TBC1D20: variants seen among roughly 807,000 people sequenced by gnomAD.
TBC1D20 encodes the protein chromosome 20 open reading frame 140.
A neutral mutation model predicts 41.6 loss-of-function variants in TBC1D20; 12 were observed. That is an observed-to-expected ratio of 0.29 (90% CI 0.18 to 0.47). The LOEUF (loss-of-function observed/expected upper bound fraction) is 0.47. Among genes scored for constraint, TBC1D20 ranks in the 20% least tolerant of loss-of-function variants. The probability of loss-of-function intolerance (pLI) is 1.00; values close to 1 mark genes in which losing one functional copy is unlikely to be tolerated. For synonymous variants in TBC1D20, 205 were observed against 204.8 expected (o/e 1.00, Z -0.01); for missense variants, 421 against 517.4 (o/e 0.81, Z 1.81).
At chr20:449,153 CTTT>C (rs757303718) in intron 1 of TBC1D20, among the ~76,000 whole-genome samples, 1 of 93,626 alleles carries the variant, frequency 1.1e-5, no homozygotes, top group African/African-American at 4.4e-5. Context: ...CCTATATGTA[CTTT>C]TTTTTTTTTT....
At chr20:458,493 A>G (rs1000273323) in intron 1 of TBC1D20, among the ~76,000 whole-genome samples, 1 of 151,742 alleles carries the variant, frequency 6.6e-6, no homozygotes, top group Admixed American at 6.6e-5. Context: ...TTGCGTATAT[A>G]TATTTTGTAG....
At chr20:459,185 C>A (rs1402876771) in intron 1 of TBC1D20, among the ~76,000 whole-genome samples, 1 of 152,104 alleles carries the variant, frequency 6.6e-6, no homozygotes, top group Non-Finnish European at 1.5e-5. Flanking sequence ...CTGTTTATTT[C>A]CGAAAGAGAA....
intron 1 of TBC1D20, among the ~76,000 whole-genome samples, chr20:457,884 C>T (rs922285513): frequency 2.6e-5 from 4 of 152,130 alleles, no homozygotes; most frequent in Non-Finnish European, 5.9e-5. Context: ...TATATAACAT[C>T]GGTGGAGGCA....
In TBC1D20 at chr20:439,151, A is replaced by G; in HGVS notation, c.913T>C (p.Ser305Pro). ...AGDLFVQFPP[S>P]ELAREAAAQQ... ...GCAGCGGCCTCCCGAGCAAGTTCGG[A>G]TGGGGGAAACTGAACAAAAAGGTCT... The change falls in exon 7 of 8, where the codon TCC becomes CCC. Residue 305 changes from serine to proline, a missense_variant. Physicochemically the swap from Ser to Pro is moderately conservative, Grantham distance 74. Coordinates refer to ENST00000354200, the MANE Select transcript of TBC1D20 (RefSeq NM_144628.4). The surrounding 1 kb of genome is among the most constrained non-coding windows in gnomAD (Gnocchi z 4.6). The G allele has an allele frequency of 6.2e-7, 1 of 1,614,076 alleles. No homozygotes were observed. Among genetic ancestry groups the G allele is most frequent in the African/African-American group, 1.3e-5 (1 of 75,016 alleles).
chr20:453,539 CAT>C (rs1491398739), intron 1 of TBC1D20, among the ~76,000 whole-genome samples: 4 of 109,724 alleles, frequency 3.6e-5, no homozygotes, highest in Admixed American at 1.1e-4. Context: ...TGTAATCCAG[CAT>C]TTTTTTTTTT....
intron 5 of TBC1D20, 152 bp from the exon 6 acceptor site, chr20:440,541 A>G: frequency 1.0e-6 from 1 of 978,398 alleles, no homozygotes; most frequent in African/African-American, 1.6e-5. Flanking sequence ...CTTACAAAAT[A>G]TTTAATACAA....
intron 1 of TBC1D20, among the ~76,000 whole-genome samples, chr20:458,986 C>T (rs989015446): frequency 5.9e-5 from 9 of 152,142 alleles, no homozygotes; most frequent in African/African-American, 1.9e-4. Context: ...AGCACTCCCA[C>T]GTGTGCCACT....
chr20:448,496 C>T (rs867766361), intron 1 of TBC1D20, among the ~76,000 whole-genome samples: 24 of 152,056 alleles, frequency 1.6e-4, no homozygotes, highest in Admixed American at 6.6e-4. Context: ...CGAGACCAGC[C>T]TGGCCAATAT....
chr20:457,011 A>T (rs1373224124), intron 1 of TBC1D20, among the ~76,000 whole-genome samples: 2 of 143,248 alleles, frequency 1.4e-5, no homozygotes, highest in African/African-American at 5.3e-5. Context: ...ATCTCAGCTC[A>T]CCGCAACCTC....
chr20:461,251 T>C (rs760752621), intron 1 of TBC1D20, among the ~76,000 whole-genome samples: 93 of 152,240 alleles, frequency 6.1e-4, no homozygotes, highest in Non-Finnish European at 5.1e-4. Context: ...TTAACTGTCA[T>C]GTATTTATTG....
At chr20:455,835 G>A (rs1282465193) in intron 1 of TBC1D20, among the ~76,000 whole-genome samples, 2 of 152,010 alleles carry the variant, frequency 1.3e-5, no homozygotes, top group African/African-American at 4.8e-5. Context: ...GGGAGGCTGA[G>A]GCAGGAGAAT....
At chr20:451,497 G>T (rs575020574) in intron 1 of TBC1D20, among the ~76,000 whole-genome samples, 64 of 152,238 alleles carry the variant, frequency 4.2e-4, no homozygotes, top group African/African-American at 1.5e-3. Flanking sequence ...ATAGTGAGCC[G>T]AGATAGCGTC....
In TBC1D20 at chr20:437,038, T is replaced by C. The variant is rs536378871; in HGVS notation, c.*1548A>G. 2 of 152,204 alleles carry C rather than the reference T, an allele frequency of 1.3e-5. No homozygotes were observed. Among genetic ancestry groups the C allele is most frequent in the South Asian group, 4.2e-4 (2 of 4,816 alleles). 9.4% of individuals were successfully genotyped at this position (152,204 alleles called of 1,614,324 possible). ...TGAGGCAGCGAGAATTGCCTGAACTTGGGAGGCGGAGGTTGCAGTGAGCTG... is the reference window on the plus strand; with the variant it reads ...TGAGGCAGCGAGAATTGCCTGAACTCGGGAGGCGGAGGTTGCAGTGAGCTG... On this transcript the variant is annotated 3_prime_UTR_variant, in exon 8 of 8. Transcript: ENST00000354200.
intron 3 of TBC1D20, among the ~76,000 whole-genome samples, chr20:444,071 T>C (rs1378808794): frequency 6.6e-6 from 1 of 150,594 alleles, no homozygotes; most frequent in Non-Finnish European, 1.5e-5. Context: ...GCGGAGGTTG[T>C]AGTGAGCTGA....
chr20:450,700 T>C (rs547123930), intron 1 of TBC1D20: 63 of 152,340 alleles, frequency 4.1e-4, no homozygotes, highest in African/African-American at 1.3e-3. Context: ...AACTCATTGA[T>C]TACAATCAGT....
chr20:440,626 C>T (rs1204530531), intron 5 of TBC1D20: 2 of 445,706 alleles, frequency 4.5e-6, no homozygotes, highest in Non-Finnish European at 7.9e-6. Flanking sequence ...TGCTCGCCTA[C>T]TGGCCAACAA....
Position 442,005 on chromosome 20 carries a change from G to A in TBC1D20, c.376C>T (p.Leu126=). 1 of 1,614,002 alleles carries A rather than the reference G, an allele frequency of 6.2e-7. No individual in the cohort carries two copies. Among genetic ancestry groups the A allele is most frequent in the Non-Finnish European group, 8.5e-7 (1 of 1,179,968 alleles). The change falls in exon 4 of 8, where the codon CTG becomes TTG. Residue 126 remains leucine (L), a synonymous_variant. Coordinates refer to ENST00000354200, the MANE Select transcript of TBC1D20 (RefSeq NM_144628.4). ...AAGATGAGGAGGATGATGTCAATCA[G>A]TTCTTCCTGGAGCCCTTCTCTCTGT... ...EEQREGLQEE[L]IDIILLILER...
Position 439,611 on chromosome 20 carries a change from G to C in TBC1D20, c.769-316C>G, listed in dbSNP as rs986234027. On this transcript the variant is annotated intron_variant, in intron 6 of 7. Coordinates refer to ENST00000354200, the MANE Select transcript of TBC1D20 (RefSeq NM_144628.4). The surrounding 1 kb of genome is among the most constrained non-coding windows in gnomAD (Gnocchi z 4.6). The stretch of plus-strand genomic sequence containing the variant: ...AAAGAAATGAAGGAGATTCTTTTAG[G>C]AGAAAGTAGGAGAATTATTGGGAGA... Among the ~76,000 whole-genome samples, 1 of 152,180 alleles carries C rather than the reference G, an allele frequency of 6.6e-6. No individual in the cohort carries two copies. The highest frequency in any genetic ancestry group is 2.4e-5 in the African/African-American group (1 of 41,430).
At chr20:452,778 A>G (rs1029641715) in intron 1 of TBC1D20, among the ~76,000 whole-genome samples, 3 of 152,210 alleles carry the variant, frequency 2.0e-5, no homozygotes, top group Non-Finnish European at 4.4e-5. Context: ...TAGGTTTTAG[A>G]AGGGACACCA....
Sources: gnomAD v4.1 joint callset for allele counts (sites outside exome capture counted in the v4.1 genomes callset) on GRCh38, gnomAD v4.1.1 for gene constraint, Gnocchi (gnomAD v3.1) non-coding constraint, MANE v1.5 for transcripts, NCBI Gene and HGNC (gene_info 2026-07-23, HGNC 2026-07-21) for gene names.